The following NTM variants were observed in gnomAD, a reference collection of about 807,000 sequenced individuals.
NTM encodes neurotrimin.
Under a neutral mutation model 42.1 loss-of-function variants are expected in NTM, and 13 were observed. The ratio of observed to expected loss-of-function variants is 0.31; its 90% CI spans 0.20 to 0.49. NTM has a LOEUF of 0.49. Among genes scored for constraint, NTM ranks in the 20% least tolerant of loss-of-function variants. NTM has a pLI of 0.99. For missense variants in NTM, 373 were observed against 452.8 expected, an observed-to-expected ratio of 0.82 and a Z score of 1.60; for synonymous variants, 187 against 179.2, an observed-to-expected ratio of 1.04 and a Z score of -0.35.
At chr11:132,135,922 C>T (rs1175632329) in intron 2 of NTM, among the ~76,000 whole-genome samples, 2 of 152,162 alleles carry the variant, frequency 1.3e-5, no homozygotes, top group Admixed American at 6.5e-5. Flanking sequence ...GGGAGCTTTC[C>T]TCTTTCTGGG....
chr11:132,082,710 C>T (rs1286505846), intron 2 of NTM, among the ~76,000 whole-genome samples: 1 of 152,180 alleles, frequency 6.6e-6, no homozygotes, highest in African/African-American at 2.4e-5. Flanking sequence ...CTGATCTTAA[C>T]TGATCCTGCT....
intron 2 of NTM, among the ~76,000 whole-genome samples, chr11:132,098,490 G>T (rs1395281541): frequency 6.6e-6 from 1 of 152,218 alleles, no homozygotes; most frequent in Non-Finnish European, 1.5e-5. Context: ...GGTGGCAGCT[G>T]TCTCCTACCC....
At chr11:131,542,347 G>C (rs951234316) in intron 1 of NTM, among the ~76,000 whole-genome samples, 1 of 152,142 alleles carries the variant, frequency 6.6e-6, no homozygotes, top group African/African-American at 2.4e-5. Context: ...AGAGAGAAAT[G>C]AGCATGTCTT....
At chr11:132,193,521 A>C (rs563366327) in intron 3 of NTM, among the ~76,000 whole-genome samples, 1 of 152,144 alleles carries the variant, frequency 6.6e-6, no homozygotes, top group Non-Finnish European at 1.5e-5. Flanking sequence ...ACAGTGTTAA[A>C]AGGAAAGTTT....
chr11:131,711,105 G>A lies in NTM; in HGVS notation c.83-200459G>A, dbSNP rs191721660. On this transcript the variant is annotated intron_variant, in intron 1 of 8. Coordinates refer to ENST00000683400, the MANE Select transcript of NTM (RefSeq NM_001352005.2). ...CATGTCTAAAACACCAAAAGCAATG[G>A]CAATAAAAGACAAAATTGACAAATG... Among the ~76,000 whole-genome samples the A allele has an allele frequency of 7.2e-3, 1,103 of 152,182 alleles. 4 individuals are homozygous for A. The highest frequency in any genetic ancestry group is 0.011 in the Non-Finnish European group (727 of 68,010).
At chr11:131,936,614 A>G (rs1485094961) in intron 2 of NTM, among the ~76,000 whole-genome samples, 1 of 152,244 alleles carries the variant, frequency 6.6e-6, no homozygotes, top group Non-Finnish European at 1.5e-5. Flanking sequence ...GTAACCAAAA[A>G]CAACTTGTAC....
chr11:131,736,664 G>A (rs558426621), intron 1 of NTM, among the ~76,000 whole-genome samples: 13 of 152,228 alleles, frequency 8.5e-5, no homozygotes, highest in Admixed American at 7.8e-4. Context: ...CCTTGGCAAG[G>A]CAGCCAAGGA....
intron 1 of NTM, among the ~76,000 whole-genome samples, chr11:131,787,775 C>T (rs947583057): frequency 6.6e-6 from 1 of 152,186 alleles, no homozygotes; most frequent in Admixed American, 6.5e-5. Context: ...TTAGTTGAAC[C>T]TCAGCTGTGA....
Position 132,213,739 on chromosome 11 carries a change from T to TTC in NTM, c.526+1593_526+1594insCT, listed in dbSNP as rs1566488805. Among the ~76,000 whole-genome samples the TTC allele has an allele frequency of 8.7e-5, 5 of 57,364 alleles. 1 individual carries two copies. Among genetic ancestry groups the TTC allele is most frequent in the Non-Finnish European group, 2.3e-4 (5 of 21,612 alleles). The allele number at this position is 57,364 out of a possible 152,430, so 37.6% of individuals were successfully genotyped here. On this transcript the variant is annotated intron_variant, in intron 4 of 8. Transcript: ENST00000683400. ...GTCCTGGGCCACCATTCTTTTTTTT[T>TTC]TTTTTTTTTTTTTGAGACGGAGTCT...
chr11:131,548,640 A>G (rs1223227222), intron 1 of NTM, among the ~76,000 whole-genome samples: 1 of 152,226 alleles, frequency 6.6e-6, no homozygotes, highest in South Asian at 2.1e-4. Flanking sequence ...CCGATCCAGA[A>G]AGACTGCCTG....
intron 1 of NTM, among the ~76,000 whole-genome samples, chr11:131,391,467 G>A (rs531394534): frequency 2.0e-5 from 3 of 152,082 alleles, no homozygotes; most frequent in Non-Finnish European, 4.4e-5. Flanking sequence ...GCGATCATTA[G>A]CTCCCTTGAC....
chr11:131,777,855 A>G (rs1475619102), intron 1 of NTM, among the ~76,000 whole-genome samples: 1 of 152,216 alleles, frequency 6.6e-6, no homozygotes, highest in Non-Finnish European at 1.5e-5. Flanking sequence ...CATTAATCAT[A>G]AAGGGAATTG....
intron 1 of NTM, among the ~76,000 whole-genome samples, chr11:131,447,642 G>A (rs1370492221): frequency 6.6e-6 from 1 of 152,128 alleles, no homozygotes; most frequent in Non-Finnish European, 1.5e-5. Context: ...CATTCTGATT[G>A]CATCCCATGC....
chr11:131,401,820 A>ATATATATATATATATGTG (rs1565465380), intron 1 of NTM, among the ~76,000 whole-genome samples: 26 of 49,914 alleles, frequency 5.2e-4, no homozygotes, highest in Non-Finnish European at 7.9e-4. Flanking sequence ...ATATATATAT[A>ATATATATATATATATGTG]TATATATATA....
chr11:131,653,068 C>T (rs868829176), intron 1 of NTM, among the ~76,000 whole-genome samples: 8 of 152,320 alleles, frequency 5.3e-5, no homozygotes, highest in Middle Eastern at 3.4e-3. Flanking sequence ...GCAATTTCTC[C>T]CAGGGACTGG....
intron 3 of NTM, among the ~76,000 whole-genome samples, chr11:132,192,847 G>A (rs1343056867): frequency 4.6e-5 from 7 of 152,014 alleles, no homozygotes; most frequent in Non-Finnish European, 7.4e-5. Context: ...AGTAGGGGTC[G>A]CCATTCTTAT....
chr11:131,896,707 G>A (rs1365089138), intron 1 of NTM, among the ~76,000 whole-genome samples: 2 of 108,474 alleles, frequency 1.8e-5, no homozygotes. Context: ...TTTTTTCTCT[G>A]AGACGGAGTC....
intron 2 of NTM, among the ~76,000 whole-genome samples, chr11:132,120,864 G>A (rs544465651): frequency 6.6e-6 from 1 of 152,172 alleles, no homozygotes; most frequent in Non-Finnish European, 1.5e-5. Context: ...ATAGGCTGCT[G>A]CAAGCTTAGC....
intron 7 of NTM, among the ~76,000 whole-genome samples, chr11:132,318,811 C>T (rs1407848717): frequency 6.6e-6 from 1 of 152,064 alleles, no homozygotes; most frequent in African/African-American, 2.4e-5. Flanking sequence ...CACATTCTGG[C>T]CTTGCAAACT....
Sources: gnomAD v4.1 joint callset for allele counts (sites outside exome capture counted in the v4.1 genomes callset) on GRCh38, gnomAD v4.1.1 for gene constraint, MANE v1.5 for transcripts, NCBI Gene and HGNC (gene_info 2026-07-23, HGNC 2026-07-21) for gene names.